Variants in KCNG3 observed in about 807,000 individuals in gnomAD.
KCNG3 encodes potassium voltage-gated channel modifier subfamily G member 3, also known as voltage-gated potassium channel regulatory subunit KCNG3.
KCNG3 carries 15 observed loss-of-function variants against 29.0 expected under a neutral mutation model. The observed-to-expected ratio is 0.52, with a 90% CI of 0.35 to 0.80. The LOEUF (loss-of-function observed/expected upper bound fraction) is 0.80, where lower values mean the gene tolerates loss of function less well. KCNG3 is among the 30% of genes least tolerant of loss of function. KCNG3 has a pLI of 0.01. For missense variants in KCNG3, 512 were observed against 605.7 expected (o/e 0.85, Z 1.62); for synonymous variants, 322 against 248.9 (o/e 1.29, Z -2.76).
At chr2:42,398,354 G>T in the KCNG3 span, among the ~76,000 whole-genome samples, 1 of 152,030 alleles carries the variant, frequency 6.6e-6, no homozygotes, top group Admixed American at 6.6e-5. Flanking sequence ...CCATCATTTT[G>T]GTGGCCCTTG....
At chr2:42,441,756 T>A, downstream of KCNG3, among the ~76,000 whole-genome samples, 1 of 150,538 alleles carries the variant, frequency 6.6e-6, no homozygotes, top group Non-Finnish European at 1.5e-5. Flanking sequence ...TATACACATA[T>A]ATATACCTAT....
intron 1 of KCNG3, among the ~76,000 whole-genome samples, chr2:42,455,808 A>G (rs1222697079): frequency 2.0e-5 from 3 of 151,458 alleles, no homozygotes; most frequent in Non-Finnish European, 4.4e-5. Context: ...AATTATATAT[A>G]TGTATGTACA....
intron 1 of KCNG3, among the ~76,000 whole-genome samples, chr2:42,480,982 T>C (rs1673567150): frequency 6.6e-6 from 1 of 152,132 alleles, no homozygotes; most frequent in Non-Finnish European, 1.5e-5. Flanking sequence ...GGTTTCGCCA[T>C]GTTGGCCAAG....
chr2:42,493,473 G>A lies in KCNG3; in HGVS notation c.29C>T (p.Ser10Leu). 1 of 1,434,470 alleles carries A rather than the reference G, an allele frequency of 7.0e-7. No individual in the cohort carries two copies. The highest frequency in any genetic ancestry group is 9.1e-7 in the Non-Finnish European group (1 of 1,102,372). 88.9% of individuals were successfully genotyped at this position (1,434,470 alleles called of 1,614,324 possible). A position where few individuals can be genotyped will look rare whatever the true frequency, so the allele number is the denominator to read the frequency against. Residue 10 changes from serine (S) to leucine (L), a missense_variant, in exon 1 of 2, where the codon TCG becomes TTG. By Grantham distance (145) the Ser-to-Leu change is moderately radical (BLOSUM62 -2). Coordinates refer to ENST00000306078, the MANE Select transcript of KCNG3 (RefSeq NM_133329.6). Reference protein sequence around the residue: MTFGRSGAASVVLNVGGARY... With the variant: MTFGRSGAALVVLNVGGARY... ...GGCGCCGCCCACGTTCAGCACCACC[G>A]AGGCCGCCCCGCTGCGCCCGAAGGT...
chr2:42,430,306 T>C, the KCNG3 span, among the ~76,000 whole-genome samples: 1 of 151,420 alleles, frequency 6.6e-6, no homozygotes, highest in Non-Finnish European at 1.5e-5. Flanking sequence ...AGGTTGACAC[T>C]ACAGTCAGCT....
At chr2:42,401,864 A>T in the KCNG3 span, among the ~76,000 whole-genome samples, 1 of 152,236 alleles carries the variant, frequency 6.6e-6, no homozygotes, top group Non-Finnish European at 1.5e-5. Flanking sequence ...AGCCTGGGTG[A>T]CACAGCGAGA....
Position 42,442,858 on chromosome 2 carries a change from G to A in KCNG3, c.*1076C>T, listed in dbSNP as rs1356955408. 1 of 152,148 alleles carries A rather than the reference G, an allele frequency of 6.6e-6. No homozygotes were observed. Among genetic ancestry groups the A allele is most frequent in the African/African-American group, 2.4e-5 (1 of 41,440 alleles). 9.4% of individuals were successfully genotyped at this position (152,148 alleles called of 1,614,324 possible). The stretch of plus-strand genomic sequence containing the variant: ...TGTGATTCACAATAGTTAAAGATCA[G>A]ATCAAATCATTATGTATCCATCGCT... On this transcript the variant is annotated 3_prime_UTR_variant, in exon 2 of 2. Transcript: ENST00000306078.
intron 1 of KCNG3, among the ~76,000 whole-genome samples, chr2:42,466,461 T>C (rs1673142728): frequency 2.0e-5 from 3 of 152,166 alleles, no homozygotes; most frequent in Admixed American, 6.5e-5. Flanking sequence ...TATTTACCAC[T>C]GTGTTGTAAC....
At chr2:42,458,263 G>C (rs373934681) in intron 1 of KCNG3, among the ~76,000 whole-genome samples, 8 of 152,116 alleles carry the variant, frequency 5.3e-5, no homozygotes, top group Middle Eastern at 3.2e-3. Context: ...CTATTATTCC[G>C]TCGGATCTCT....
chr2:42,414,597 G>A, the KCNG3 span, among the ~76,000 whole-genome samples: 1 of 150,486 alleles, frequency 6.6e-6, no homozygotes, highest in Non-Finnish European at 1.5e-5. Flanking sequence ...AGCATTTAGT[G>A]GTTTCAACCT....
the KCNG3 span, among the ~76,000 whole-genome samples, chr2:42,429,536 T>G: frequency 6.6e-6 from 1 of 152,202 alleles, no homozygotes; most frequent in African/African-American, 2.4e-5. Context: ...GCTACTTCTT[T>G]CTCATCATGT....
the KCNG3 span, among the ~76,000 whole-genome samples, chr2:42,406,281 G>A: frequency 6.6e-6 from 1 of 151,456 alleles, no homozygotes; most frequent in Admixed American, 6.6e-5. Flanking sequence ...GTGCAATGAA[G>A]TCATCTTGGG....
chr2:42,466,704 T>C (rs928800885), intron 1 of KCNG3, among the ~76,000 whole-genome samples: 2 of 151,974 alleles, frequency 1.3e-5, no homozygotes, highest in East Asian at 1.9e-4. Flanking sequence ...CAAAAGTTAA[T>C]TGTGGTTTTT....
intron 1 of KCNG3, among the ~76,000 whole-genome samples, chr2:42,474,862 C>T (rs1673383438): frequency 1.3e-5 from 2 of 152,028 alleles, no homozygotes; most frequent in African/African-American, 2.4e-5. Context: ...CTGATGAATC[C>T]TTTGAAAGCA....
chr2:42,452,243 A>ATATATATATATTTTTTT lies in KCNG3; in HGVS notation c.666-7665_666-7664insAAAAAAATATATATATA. ...TAAATATATATATATATATATATAT[A>ATATATATATATTTTTTT]TTTTTTTTTTTTTTTTAAAGGAAAC... On this transcript the variant is annotated intron_variant, in intron 1 of 1. Coordinates refer to ENST00000306078, the MANE Select transcript of KCNG3 (RefSeq NM_133329.6). 3.2e-4 allele frequency among the ~76,000 whole-genome samples: 30 copies of ATATATATATATTTTTTT among 95,046 alleles called. No homozygotes were observed. The East Asian group carries it at 5.0e-3, about 16-fold the overall frequency. 62.4% of individuals were successfully genotyped at this position (95,046 alleles called of 152,430 possible). A position where few individuals can be genotyped will look rare whatever the true frequency, so the allele number is the denominator to read the frequency against.
rs1032211800 is a variant in KCNG3, at chr2:42,442,067, C to G, written c.*1867G>C. Reference sequence around the variant, plus strand: ...TAATATGGAGGTGCTATCATCTGCACATTGTTTGCATGAACCACAAAGCTT... The same window carrying G: ...TAATATGGAGGTGCTATCATCTGCAGATTGTTTGCATGAACCACAAAGCTT... On this transcript the variant is annotated 3_prime_UTR_variant, in exon 2 of 2. Coordinates refer to ENST00000306078, the MANE Select transcript of KCNG3 (RefSeq NM_133329.6). The G allele has an allele frequency of 6.6e-6, 1 of 152,002 alleles. No homozygotes were observed. The highest frequency in any genetic ancestry group is 2.4e-5 in the African/African-American group (1 of 41,392). 9.4% of individuals were successfully genotyped at this position (152,002 alleles called of 1,614,324 possible).
intron 1 of KCNG3, among the ~76,000 whole-genome samples, chr2:42,474,523 T>C (rs1329957857): frequency 6.6e-6 from 1 of 152,194 alleles, no homozygotes; most frequent in East Asian, 1.9e-4. Context: ...CAAGACTCCA[T>C]CTCAAAAGAA....
the KCNG3 span, among the ~76,000 whole-genome samples, chr2:42,399,805 A>G: frequency 5.3e-5 from 8 of 152,236 alleles, no homozygotes; most frequent in Non-Finnish European, 1.0e-4. Context: ...ATGGGCTTCT[A>G]TGACACTACT....
chr2:42,418,442 C>A, the KCNG3 span, among the ~76,000 whole-genome samples: 1 of 152,084 alleles, frequency 6.6e-6, no homozygotes, highest in African/African-American at 2.4e-5. Context: ...GAAAAAATAC[C>A]GCAAATAAAC....
Sources: allele counts gnomAD v4.1 joint callset (sites outside exome capture counted in the v4.1 genomes callset), GRCh38; gene constraint gnomAD v4.1.1; transcripts MANE v1.5; gene names NCBI Gene and HGNC (gene_info 2026-07-23, HGNC 2026-07-21).